G6PD: variants seen among roughly 807,000 people sequenced by gnomAD.
The protein encoded by G6PD is glucose-6-phosphate dehydrogenase, also known as glucose-6-phosphate 1-dehydrogenase.
A neutral mutation model predicts 38.2 loss-of-function variants in G6PD; 2 were observed. The ratio of observed to expected loss-of-function variants is 0.05; its 90% CI spans 0.02 to 0.16. The LOEUF (loss-of-function observed/expected upper bound fraction) is 0.16. Among genes scored for constraint, G6PD ranks in the 10% least tolerant of loss-of-function variants. G6PD has a pLI of 1.00. For missense variants in G6PD, 310 were observed against 471.6 expected, an observed-to-expected ratio of 0.66 and a Z score of 3.17; for synonymous variants, 188 against 196.0, an observed-to-expected ratio of 0.96 and a Z score of 0.34.
chrX:154,539,435 G>A (rs2070449819), intron 2 of G6PD, among the ~76,000 whole-genome samples: 1 of 111,836 alleles, frequency 8.9e-6, no homozygotes, highest in Non-Finnish European at 1.9e-5. Flanking sequence ...GAACTTTCTG[G>A]GGAGATGACG....
chrX:154,531,849 T>G lies in G6PD; in HGVS notation c.*151A>C. ...GCTGAGGAATGTAGCTGGGCTCGGG[T>G]AGTAGCAGCAGCGAGGGGCGGGCCA... On this transcript the variant is annotated 3_prime_UTR_variant, in exon 13 of 13. Coordinates refer to ENST00000393562, the MANE Select transcript of G6PD (RefSeq NM_001360016.2). The G allele has an allele frequency of 1.1e-6, 1 of 936,406 alleles. No individual in the cohort carries two copies. Among genetic ancestry groups the G allele is most frequent in the South Asian group, 2.4e-5 (1 of 42,480 alleles). 77.2% of individuals were successfully genotyped at this position (936,406 alleles called of 1,213,427 possible).
intron 5 of G6PD, 113 bp from the exon 6 acceptor site, chrX:154,534,609 C>A: frequency 1.1e-6 from 1 of 925,133 alleles, no homozygotes; most frequent in Non-Finnish European, 1.5e-6. Context: ...AACCTCCTCG[C>A]CCCCGTGGCC....
intron 1 of G6PD, among the ~76,000 whole-genome samples, 198 bp downstream of exon 1, chrX:154,546,591 C>A (rs2070724606): frequency 9.0e-6 from 1 of 110,829 alleles, no homozygotes; most frequent in Non-Finnish European, 1.9e-5. Flanking sequence ...AGCTGGGTGA[C>A]CCCGGTCGGC....
At chrX:154,535,843 C>T (rs2070401737) in intron 4 of G6PD, 94 bp downstream of exon 4, 11 of 715,018 alleles carry the variant, frequency 1.5e-5, no homozygotes, top group Admixed American at 2.6e-5. Context: ...GAGAGCATCC[C>T]GGGATGGGAT....
rs1557233234 is a variant in G6PD, at chrX:154,546,177, G to A, written c.-8-14C>T. 1 of 1,210,942 alleles carries A rather than the reference G, an allele frequency of 8.3e-7. No homozygotes were observed. The highest frequency in any genetic ancestry group is 2.3e-4 in the Middle Eastern group (1 of 4,284). On this transcript the variant is annotated splice_polypyrimidine_tract_variant and intron_variant, in intron 1 of 12. Transcript: ENST00000393562. ...CCATGACGCTGTCTGGTGGAAGAAA[G>A]GCTCGTTAACAAGGCAGAAGAACAG...
chrX:154,540,654 A>AC (rs2070480917), intron 2 of G6PD, among the ~76,000 whole-genome samples: 1 of 108,088 alleles, frequency 9.3e-6, no homozygotes, highest in Non-Finnish European at 1.9e-5. Context: ...AAAAAAAAAA[A>AC]AACACATGCT....
rs1292124651 is a variant in G6PD at position 154,532,858 on chromosome X, C to T, written c.1052-56G>A. On this transcript the variant is annotated intron_variant, in intron 9 of 12. Coordinates refer to ENST00000393562, the MANE Select transcript of G6PD (RefSeq NM_001360016.2). The stretch of plus-strand genomic sequence containing the variant: ...AGCTCTCTCAGGGTGTGGACCAGTG[C>T]GTGAGTGTCTCAGTGGGAGCTCCAG... 8 of 1,201,585 alleles carry T rather than the reference C, an allele frequency of 6.7e-6. No individual in the cohort carries two copies. The East Asian group carries it at 1.8e-4, about 27-fold the overall frequency.
rs782144944 is a variant in G6PD at position 154,535,156 on chromosome X, G to A, written c.485+12C>T. ...CTGGCAGGCGGGAAGGGAGGGCAAC[G>A]GCAAGCCTTACATCTGGCTCATGCA... On this transcript the variant is annotated intron_variant, in intron 5 of 12. Coordinates refer to ENST00000393562, the MANE Select transcript of G6PD (RefSeq NM_001360016.2). 64 of 1,205,438 alleles carry A rather than the reference G, an allele frequency of 5.3e-5. No homozygotes were observed. Among genetic ancestry groups the A allele is most frequent in the Admixed American group, 8.7e-5 (4 of 45,842 alleles).
intron 5 of G6PD, among the ~76,000 whole-genome samples, chrX:154,534,703 T>C (rs2070386070): frequency 1.8e-5 from 2 of 110,877 alleles, no homozygotes; most frequent in African/African-American, 6.6e-5. Flanking sequence ...CAGGGTGGCA[T>C]TGCTGGCATG....
chrX:154,534,066 C>T lies in G6PD; in HGVS notation c.739G>A (p.Gly247Arg), dbSNP rs1028993341. ...ATCCCAAATTCATCGAAATAGCCCC[C>T]GCGACCCTCAGTGCCAAAGGGCTCC... Reference protein sequence around the residue: ...FKEPFGTEGRGGYFDEFGIIR... With the variant: ...FKEPFGTEGRRGYFDEFGIIR... Residue 247 changes from glycine to arginine, a missense_variant, in exon 7 of 13, where the codon GGG (glycine) becomes AGG (arginine). Physicochemically the swap from Gly to Arg is moderately radical, Grantham distance 125. This residue lies in a region of G6PD where 168 missense variants were observed against 309.2 expected (regional missense o/e 0.54). Coordinates refer to ENST00000393562, the MANE Select transcript of G6PD (RefSeq NM_001360016.2). The T allele has an allele frequency of 5.8e-6, 7 of 1,211,749 alleles. No homozygotes were observed. The highest frequency in any genetic ancestry group is 5.3e-5 in the South Asian group (3 of 56,999).
intron 2 of G6PD, 104 bp downstream of exon 2, chrX:154,545,932 C>G (rs1410925346): frequency 1.3e-5 from 14 of 1,056,769 alleles, no homozygotes; most frequent in Non-Finnish European, 1.8e-5. Flanking sequence ...AGGAGGAGCT[C>G]AACTTAGCAG....
Position 154,546,159 on chromosome X carries a change from G to A in G6PD, c.-4C>T, listed in dbSNP as rs781792803. The A allele has an allele frequency of 3.3e-6, 4 of 1,210,047 alleles. No homozygotes were observed. In the East Asian group the frequency reaches 1.2e-4, roughly 36 times the overall value. ...TCAGGGCCACCTGCTCTGCCATGAC[G>A]CTGTCTGGTGGAAGAAAGGCTCGTT... On this transcript the variant is annotated 5_prime_UTR_variant, in exon 2 of 13. Coordinates refer to ENST00000393562, the MANE Select transcript of G6PD (RefSeq NM_001360016.2).
At position 154,532,970 on chromosome X, in the gene G6PD, G is replaced by A. The variant is rs201321423; in HGVS notation, c.1023C>T (p.Val341=). Residue 341 remains valine, a synonymous_variant, in exon 9 of 13, where the codon GTC becomes GTT. Transcript: ENST00000393562. The part of the protein sequence containing the change: ...GSTTATFAAV[V]LYVENERWDG... Reference sequence around the variant, plus strand: ...CCCACCTCTCATTCTCCACATAGAGGACGACGGCTGCAAAAGTGGCGGTGG... The same window carrying A: ...CCCACCTCTCATTCTCCACATAGAGAACGACGGCTGCAAAAGTGGCGGTGG... The A allele has an allele frequency of 2.9e-5, 35 of 1,210,765 alleles. No homozygotes were observed. The highest frequency in any genetic ancestry group is 3.8e-5 in the Non-Finnish European group (34 of 895,283).
intron 7 of G6PD, 179 bp downstream of exon 7, chrX:154,533,856 G>A (rs782675406): frequency 5.3e-5 from 63 of 1,192,780 alleles, no homozygotes; most frequent in Non-Finnish European, 6.0e-5. Context: ...TCATAAAACC[G>A]TGGGGTGCTT....
Position 154,531,944 on chromosome X carries a change from G to T in G6PD, c.*56C>A. 8.5e-7 allele frequency: 1 copy of T among 1,183,319 alleles called. No homozygotes were observed. The highest frequency in any genetic ancestry group is 1.9e-5 in the South Asian group (1 of 53,697). On this transcript the variant is annotated 3_prime_UTR_variant, in exon 13 of 13. Transcript: ENST00000393562. ...GGTCCCGGAGTCCTCCCGACTCGGG[G>T]TCGGGCGGCGGGAAGGAGGGTGGCC...
chrX:154,545,940 C>A, intron 2 of G6PD, 96 bp downstream of exon 2: 1 of 1,098,030 alleles, frequency 9.1e-7, no homozygotes, highest in Non-Finnish European at 1.2e-6. Context: ...CTCAACTTAG[C>A]AGAGCCTGTG....
Position 154,532,656 on chromosome X carries a change from C to T in G6PD, c.1198G>A (p.Val400Met), listed in dbSNP as rs1557229675. The T allele has an allele frequency of 4.9e-6, 6 of 1,212,379 alleles. No homozygotes were observed. Among genetic ancestry groups the T allele is most frequent in the Non-Finnish European group, 6.7e-6 (6 of 895,627 alleles). ...TTCTTGGTCATCATCTTGGTGTACA[C>T]GGCCTCGTTGGGCTGCACGCGGATC... ...LVIRVQPNEA[V>M]YTKMMTKKPG... The change falls in exon 10 of 13, where the codon GTG becomes ATG. Residue 400 changes from valine (V) to methionine (M), a missense_variant. This residue lies in a region of G6PD where 168 missense variants were observed against 309.2 expected (regional missense o/e 0.54). Coordinates refer to ENST00000393562, the MANE Select transcript of G6PD (RefSeq NM_001360016.2).
intron 2 of G6PD, 103 bp from the exon 3 acceptor site, chrX:154,536,281 C>T: frequency 1.3e-6 from 1 of 776,148 alleles, no homozygotes; most frequent in Non-Finnish European, 1.9e-6. Context: ...AGGATCACTA[C>T]TGGGCCACAA....
At chrX:154,535,776 C>T in intron 4 of G6PD, 161 bp downstream of exon 4, 1 of 508,965 alleles carries the variant, frequency 2.0e-6, no homozygotes, top group Non-Finnish European at 3.5e-6. Flanking sequence ...GTCACGGGGG[C>T]TGGTAATGGG....
Sources: allele counts gnomAD v4.1 joint callset (sites outside exome capture counted in the v4.1 genomes callset), GRCh38; gene constraint gnomAD v4.1.1; regional missense constraint gnomAD v4.1.1; transcripts MANE v1.5; gene names NCBI Gene and HGNC (gene_info 2026-07-23, HGNC 2026-07-21).